HECTD4: variants seen among roughly 807,000 people sequenced by gnomAD.
HECTD4 encodes the protein probable E3 ubiquitin-protein ligase HECTD4.
In HECTD4, 114 loss-of-function variants were observed where a neutral mutation model predicts 471.5. The ratio of observed to expected loss-of-function variants is 0.24; its 90% CI spans 0.21 to 0.28. HECTD4 has a LOEUF of 0.28. Ranked by LOEUF, HECTD4 falls within the 10% of genes least tolerant of loss-of-function variation. The pLI is 1.00. For synonymous variants in HECTD4, 2,012 were observed against 2,256.0 expected, an observed-to-expected ratio of 0.89 and a Z score of 3.07; for missense variants, 3,866 against 5,651.5, an observed-to-expected ratio of 0.68 and a Z score of 10.13.
intron 1 of HECTD4, among the ~76,000 whole-genome samples, chr12:112,358,619 T>C (rs1187843207): frequency 1.3e-5 from 2 of 152,160 alleles, no homozygotes; most frequent in East Asian, 1.9e-4. Flanking sequence ...TCTATGACCA[T>C]AGACAGATTA....
intron 25 of HECTD4, 131 bp downstream of exon 25, chr12:112,250,013 A>T: frequency 1.3e-6 from 1 of 741,078 alleles, no homozygotes; most frequent in African/African-American, 1.8e-5. Context: ...AGACTCAGTT[A>T]ATTTTAACAT....
At chr12:112,244,109 C>G in intron 29 of HECTD4, 100 bp from the exon 30 acceptor site, 2 of 1,250,954 alleles carry the variant, frequency 1.6e-6, no homozygotes, top group Non-Finnish European at 2.2e-6. Context: ...TCTTTGCTTT[C>G]TATCACAGTT....
intron 53 of HECTD4, 119 bp downstream of exon 53, chr12:112,204,367 C>G: frequency 3.0e-6 from 3 of 997,630 alleles, no homozygotes; most frequent in Non-Finnish European, 3.0e-6. Context: ...AGAGGTTAGC[C>G]CAGTCGGAGT....
intron 44 of HECTD4, among the ~76,000 whole-genome samples, chr12:112,222,551 T>C (rs2135556806): frequency 6.6e-6 from 1 of 152,266 alleles, no homozygotes; most frequent in Middle Eastern, 3.4e-3. Context: ...CCTGTATTCC[T>C]AGCTACTCGG....
chr12:112,276,205 TTA>T (rs2034523253), intron 9 of HECTD4, among the ~76,000 whole-genome samples: 1 of 152,154 alleles, frequency 6.6e-6, no homozygotes, highest in Non-Finnish European at 1.5e-5. Flanking sequence ...ATTTAAGCAT[TTA>T]CTGATTTGTT....
intron 10 of HECTD4, among the ~76,000 whole-genome samples, chr12:112,274,492 G>A (rs913550980): frequency 6.6e-6 from 1 of 152,180 alleles, no homozygotes; most frequent in African/African-American, 2.4e-5. Flanking sequence ...GATTGCTTGA[G>A]CCTAGGAGTT....
In HECTD4 at chr12:112,239,115, T is replaced by C. The variant is rs755946793; in HGVS notation, c.5227A>G (p.Thr1743Ala). 18 of 1,613,834 alleles carry C rather than the reference T, an allele frequency of 1.1e-5. No individual in the cohort carries two copies. Among genetic ancestry groups the C allele is most frequent in the African/African-American group, 6.7e-5 (5 of 74,944 alleles). The change falls in exon 34 of 76, where the codon ACC becomes GCC. Residue 1743 changes from threonine (T) to alanine (A), a missense_variant. This residue lies in a region of HECTD4 where 229 missense variants were observed against 386.4 expected (regional missense o/e 0.59). Coordinates refer to ENST00000682272, the MANE Select transcript of HECTD4 (RefSeq NM_001388303.1). The surrounding 1 kb of genome is among the most constrained non-coding windows in gnomAD (Gnocchi z 4.9). Reference sequence around the variant, plus strand: ...ACCTGGAAGGCAGCCCAGGCCATGGTGGCCACCTTCTGCTTCTTGGTCTGT... The same window carrying C: ...ACCTGGAAGGCAGCCCAGGCCATGGCGGCCACCTTCTGCTTCTTGGTCTGT... ...EKQTKKQKVA[T>A]MAWAAFQVLA...
At chr12:112,169,779 G>A (rs886579818) in intron 69 of HECTD4, 121 bp from the exon 70 acceptor site, 15 of 1,128,944 alleles carry the variant, frequency 1.3e-5, no homozygotes, top group Admixed American at 5.6e-5. Flanking sequence ...TCCCTCGCTC[G>A]GCCCCCTGTG....
rs529241731 is a variant in HECTD4, at chr12:112,298,845, G to A, written c.1335+7219C>T. Among the ~76,000 whole-genome samples, 21 of 149,378 alleles carry A rather than the reference G, an allele frequency of 1.4e-4. 1 individual carries two copies. The South Asian group carries it at 4.2e-3, about 30-fold the overall frequency. On this transcript the variant is annotated intron_variant, in intron 7 of 75. Transcript: ENST00000682272. ...TGCAGTCAGCCGAGATCACACCACT[G>A]CACTCCAGCCTGGGTGACAGAGTGA...
At position 112,235,567 on chromosome 12, in the gene HECTD4, T is replaced by G; in HGVS notation, c.5662A>C (p.Ser1888Arg). 1 of 1,613,952 alleles carries G rather than the reference T, an allele frequency of 6.2e-7. No homozygotes were observed. Among genetic ancestry groups the G allele is most frequent in the South Asian group, 1.1e-5 (1 of 91,074 alleles). The part of the protein sequence containing the change: ...PSLNSEQEDP[S>R]DPASKIASLL... Reference sequence around the variant, plus strand: ...GAGGCGATCTTGGAAGCTGGGTCGCTGGGATCCTCCTGCTCACTGTTTAAG... The same window carrying G: ...GAGGCGATCTTGGAAGCTGGGTCGCGGGGATCCTCCTGCTCACTGTTTAAG... Residue 1888 changes from serine (S) to arginine (R), a missense_variant, in exon 36 of 76, where the codon AGC (serine) becomes CGC (arginine). Transcript: ENST00000682272. The surrounding 1 kb of genome is among the most constrained non-coding windows in gnomAD (Gnocchi z 5.0).
Position 112,230,834 on chromosome 12 carries a change from A to C in HECTD4, c.6201-12T>G, listed in dbSNP as rs2033361393. The C allele has an allele frequency of 6.2e-7, 1 of 1,605,818 alleles. No individual in the cohort carries two copies. The highest frequency in any genetic ancestry group is 8.5e-7 in the Non-Finnish European group (1 of 1,175,918). On this transcript the variant is annotated splice_polypyrimidine_tract_variant and intron_variant, in intron 39 of 75. Coordinates refer to ENST00000682272, the MANE Select transcript of HECTD4 (RefSeq NM_001388303.1). Reference sequence around the variant, plus strand: ...GCACAGGATCAGTCCTGCAAGTGTCAACAGGAAAAAGTGTCAGTGCCCAGT... The same window carrying C: ...GCACAGGATCAGTCCTGCAAGTGTCCACAGGAAAAAGTGTCAGTGCCCAGT...
intron 1 of HECTD4, among the ~76,000 whole-genome samples, chr12:112,326,949 T>C (rs1419990127): frequency 6.6e-6 from 1 of 152,206 alleles, no homozygotes; most frequent in African/African-American, 2.4e-5. Flanking sequence ...TAAAGCAATA[T>C]TCTAGAAGTA....
At chr12:112,314,879 A>G (rs932884714) in intron 2 of HECTD4, among the ~76,000 whole-genome samples, 5 of 152,192 alleles carry the variant, frequency 3.3e-5, no homozygotes, top group Non-Finnish European at 5.9e-5. Flanking sequence ...CTATATCACC[A>G]AGTCACCCTC....
chr12:112,205,521 T>G (rs141048167), intron 52 of HECTD4, among the ~76,000 whole-genome samples: 38 of 152,314 alleles, frequency 2.5e-4, no homozygotes, highest in African/African-American at 8.9e-4. Flanking sequence ...TTATTTCATT[T>G]TCGTTAACTC....
chr12:112,205,889 T>A (rs536579141), intron 52 of HECTD4, among the ~76,000 whole-genome samples: 1 of 152,288 alleles, frequency 6.6e-6, no homozygotes, highest in South Asian at 2.1e-4. Context: ...CCACCGTGCC[T>A]GGCCAGGTTT....
intron 69 of HECTD4, 83 bp from the exon 70 acceptor site, chr12:112,169,741 A>T (rs1347352344): frequency 6.5e-7 from 1 of 1,535,078 alleles, no homozygotes; most frequent in Admixed American, 1.7e-5. Flanking sequence ...TGGGCCTAGC[A>T]GGCCTGTGCC....
intron 1 of HECTD4, among the ~76,000 whole-genome samples, chr12:112,355,818 T>C (rs899010203): frequency 1.3e-5 from 2 of 152,150 alleles, no homozygotes; most frequent in African/African-American, 2.4e-5. Flanking sequence ...TCTATTTCAT[T>C]ATATAAAGAT....
chr12:112,365,539 G>T (rs1046120940), intron 1 of HECTD4, among the ~76,000 whole-genome samples: 2 of 152,078 alleles, frequency 1.3e-5, no homozygotes, highest in Non-Finnish European at 2.9e-5. Flanking sequence ...CTGCTCAATA[G>T]CCACATGTGG....
In HECTD4 at chr12:112,163,984, G is replaced by A. The variant is rs1341205635; in HGVS notation, c.12701+125C>T. The A allele has an allele frequency of 3.7e-6, 4 of 1,071,134 alleles. No homozygotes were observed. Among genetic ancestry groups the A allele is most frequent in the African/African-American group, 1.6e-5 (1 of 61,942 alleles). The allele number at this position is 1,071,134 out of a possible 1,614,324, so 66.4% of individuals were successfully genotyped here. ...CCATCCTGCCTCATCTCCCTCTCCTGGTGAAATCCACCTGTCACCTGACCT... is the reference window on the plus strand; with the variant it reads ...CCATCCTGCCTCATCTCCCTCTCCTAGTGAAATCCACCTGTCACCTGACCT... On this transcript the variant is annotated intron_variant, in intron 73 of 75. Coordinates refer to ENST00000682272, the MANE Select transcript of HECTD4 (RefSeq NM_001388303.1). This position sits in a 1 kb window ranked among gnomAD's most constrained non-coding sequence, Gnocchi z 8.2.
Sources: gnomAD v4.1 joint callset for allele counts (sites outside exome capture counted in the v4.1 genomes callset) on GRCh38, gnomAD v4.1.1 for gene constraint, gnomAD v4.1.1 regional missense constraint, Gnocchi (gnomAD v3.1) non-coding constraint, MANE v1.5 for transcripts, NCBI Gene and HGNC (gene_info 2026-07-23, HGNC 2026-07-21) for gene names.